Variants in ERC2 observed in about 807,000 individuals in gnomAD.
The protein encoded by ERC2 is ERC protein 2.
Under a neutral mutation model 114.8 loss-of-function variants are expected in ERC2, and 42 were observed. The ratio of observed to expected loss-of-function variants is 0.37; its 90% CI spans 0.29 to 0.47. The LOEUF (loss-of-function observed/expected upper bound fraction) is 0.47, where lower values mean the gene tolerates loss of function less well. ERC2 is among the 20% of genes least tolerant of loss of function. ERC2 has a pLI of 0.99. For missense variants in ERC2, 939 were observed against 1,150.7 expected (o/e 0.82, Z 2.66); for synonymous variants, 454 against 425.5 (o/e 1.07, Z -0.82).
intron 14 of ERC2, among the ~76,000 whole-genome samples, chr3:55,831,420 AAGGGAAGGGAAGGG>A (rs2060577328): frequency 2.0e-5 from 1 of 50,054 alleles, no homozygotes; most frequent in Admixed American, 2.0e-4. Context: ...AGGGGAGGGG[AAGGGAAGGGAAGGG>A]AGGGAAGGGG....
intron 11 of ERC2, among the ~76,000 whole-genome samples, 198 bp from the exon 12 acceptor site, chr3:55,986,186 T>C (rs1576460747): frequency 6.6e-6 from 1 of 152,252 alleles, no homozygotes; most frequent in South Asian, 2.1e-4. Context: ...CACTGTAAGC[T>C]GTTGTATTAA....
intron 7 of ERC2, among the ~76,000 whole-genome samples, chr3:56,053,126 C>T (rs2075846224): frequency 2.0e-5 from 3 of 152,200 alleles, no homozygotes; most frequent in Admixed American, 2.0e-4. Flanking sequence ...TCCACTTTCT[C>T]AAGTCCTCCT....
chr3:55,825,856 A>G (rs1435685438), intron 14 of ERC2, among the ~76,000 whole-genome samples: 2 of 152,152 alleles, frequency 1.3e-5, no homozygotes, highest in African/African-American at 4.8e-5. Context: ...TATTTATAAC[A>G]TCATTATTCC....
At chr3:55,769,207 TC>T (rs1205545827) in intron 14 of ERC2, among the ~76,000 whole-genome samples, 3 of 152,162 alleles carry the variant, frequency 2.0e-5, no homozygotes, top group African/African-American at 7.2e-5. Flanking sequence ...AGACTTGCCC[TC>T]TTAACATTAA....
chr3:56,171,517 T>A (rs2082665205), intron 4 of ERC2, among the ~76,000 whole-genome samples: 1 of 152,212 alleles, frequency 6.6e-6, no homozygotes, highest in Admixed American at 6.5e-5. Flanking sequence ...AAATGCCTCA[T>A]GCCTACAAAT....
chr3:56,053,822 C>T (rs898507522), intron 7 of ERC2, among the ~76,000 whole-genome samples: 8 of 151,868 alleles, frequency 5.3e-5, no homozygotes, highest in Admixed American at 2.6e-4. Context: ...AAACCTTAAC[C>T]AGCCTAACCC....
At chr3:56,007,400 A>G (rs2072580465) in intron 9 of ERC2, 79 bp from the exon 10 acceptor site, 6 of 1,258,434 alleles carry the variant, frequency 4.8e-6, no homozygotes. Context: ...CATTGATTCT[A>G]TACATAGCAA....
chr3:55,934,897 C>T (rs1312007817), intron 13 of ERC2, among the ~76,000 whole-genome samples: 2 of 152,078 alleles, frequency 1.3e-5, no homozygotes, highest in Admixed American at 6.6e-5. Flanking sequence ...TGCTTCATTT[C>T]AAATAAAAAA....
intron 17 of ERC2, among the ~76,000 whole-genome samples, chr3:55,525,908 A>G (rs1048439276): frequency 1.3e-5 from 2 of 152,204 alleles, no homozygotes; most frequent in Admixed American, 6.5e-5. Flanking sequence ...CCCTAAAAAG[A>G]TATTTTCAAG....
chr3:56,209,994 A>G (rs1176781468), intron 3 of ERC2, among the ~76,000 whole-genome samples: 1 of 152,160 alleles, frequency 6.6e-6, no homozygotes, highest in African/African-American at 2.4e-5. Context: ...CCCAAGCAGA[A>G]ACCTTTAAAG....
chr3:55,842,008 A>G (rs984175552), intron 14 of ERC2, among the ~76,000 whole-genome samples: 1 of 152,192 alleles, frequency 6.6e-6, no homozygotes, highest in Non-Finnish European at 1.5e-5. Context: ...GGGGACTCAC[A>G]CTCAGCCTTT....
chr3:55,517,382 G>C (rs1032428809), intron 17 of ERC2, among the ~76,000 whole-genome samples: 2 of 145,698 alleles, frequency 1.4e-5, no homozygotes, highest in African/African-American at 5.1e-5. Flanking sequence ...TGGAGGTGGA[G>C]GTTGCAGTGA....
chr3:55,998,609 C>A (rs2071785877), intron 10 of ERC2, among the ~76,000 whole-genome samples: 1 of 152,080 alleles, frequency 6.6e-6, no homozygotes, highest in South Asian at 2.1e-4. Flanking sequence ...AAGAGTGAGT[C>A]GAATACTTTT....
At chr3:56,210,817 T>C (rs1318904753) in intron 3 of ERC2, among the ~76,000 whole-genome samples, 1 of 152,180 alleles carries the variant, frequency 6.6e-6, no homozygotes, top group Non-Finnish European at 1.5e-5. Flanking sequence ...ATATCTACCA[T>C]ATGACAAGAA....
intron 17 of ERC2, among the ~76,000 whole-genome samples, chr3:55,512,951 G>A (rs111609974): frequency 6.6e-6 from 1 of 152,212 alleles, no homozygotes; most frequent in South Asian, 2.1e-4. Flanking sequence ...TCCCTTCTGG[G>A]GGGGCAAAGA....
intron 7 of ERC2, among the ~76,000 whole-genome samples, chr3:56,065,898 ATAGTATTCCAT>A (rs771014544): frequency 5.3e-5 from 8 of 152,158 alleles, no homozygotes; most frequent in Non-Finnish European, 1.0e-4. Context: ...TTATGGCTGC[ATAGTATTCCAT>A]GGTGTATATA....
At chr3:55,522,193 C>T (rs1276893387) in intron 17 of ERC2, among the ~76,000 whole-genome samples, 6 of 152,162 alleles carry the variant, frequency 3.9e-5, no homozygotes, top group Admixed American at 2.6e-4. Flanking sequence ...ATAGTCTTCT[C>T]TGGGGGGAGG....
intron 17 of ERC2, among the ~76,000 whole-genome samples, chr3:55,613,401 G>A (rs2058986458): frequency 6.6e-6 from 1 of 152,172 alleles, no homozygotes; most frequent in Non-Finnish European, 1.5e-5. Flanking sequence ...AACCTTTTTG[G>A]GGGGCGGTGT....
chr3:55,885,823 C>T (rs1421849350), intron 14 of ERC2, among the ~76,000 whole-genome samples: 1 of 152,130 alleles, frequency 6.6e-6, no homozygotes, highest in Non-Finnish European at 1.5e-5. Context: ...TCACAACCAC[C>T]CCCATTCAAG....
Sources: allele counts gnomAD v4.1 joint callset (sites outside exome capture counted in the v4.1 genomes callset), GRCh38; gene constraint gnomAD v4.1.1; transcripts MANE v1.5; gene names NCBI Gene and HGNC (gene_info 2026-07-23, HGNC 2026-07-21).